The following GAP43 variants were observed in gnomAD, a reference collection of about 807,000 sequenced individuals.
GAP43 encodes growth associated protein 43, also known as neuromodulin.
GAP43 carries 6 observed loss-of-function variants against 18.6 expected under a neutral mutation model. The observed-to-expected ratio is 0.32, with a 90% CI of 0.18 to 0.64. The LOEUF (loss-of-function observed/expected upper bound fraction) is 0.64. GAP43 is among the 30% of genes least tolerant of loss of function. The pLI, the probability that GAP43 is intolerant of heterozygous loss-of-function variation, is 0.78. For missense variants in GAP43, 292 were observed against 295.5 expected (o/e 0.99, Z 0.09); for synonymous variants, 115 against 111.4 (o/e 1.03, Z -0.20).
intron 1 of GAP43, among the ~76,000 whole-genome samples, chr3:115,668,587 G>C (rs1487749669): frequency 6.6e-6 from 1 of 152,026 alleles, no homozygotes; most frequent in African/African-American, 2.4e-5. Flanking sequence ...ACCACACCTG[G>C]CTAATTTTGT....
intron 2 of GAP43, among the ~76,000 whole-genome samples, chr3:115,704,090 A>G (rs1336110430): frequency 6.6e-6 from 1 of 152,044 alleles, no homozygotes; most frequent in Non-Finnish European, 1.5e-5. Context: ...CCAGTAAGAG[A>G]TGGAGATTGC....
chr3:115,700,762 A>G (rs1377561258), intron 2 of GAP43, among the ~76,000 whole-genome samples: 2 of 152,160 alleles, frequency 1.3e-5, no homozygotes, highest in Non-Finnish European at 2.9e-5. Flanking sequence ...AAATCTCATA[A>G]AAACCTAATG....
At chr3:115,654,281 G>C (rs986028006) in intron 1 of GAP43, among the ~76,000 whole-genome samples, 1 of 152,162 alleles carries the variant, frequency 6.6e-6, no homozygotes, top group African/African-American at 2.4e-5. Context: ...ACTTAAGCAA[G>C]TCACACACTT....
At chr3:115,717,069 G>A (rs941375069) in intron 2 of GAP43, among the ~76,000 whole-genome samples, 1 of 151,708 alleles carries the variant, frequency 6.6e-6, no homozygotes, top group African/African-American at 2.4e-5. Context: ...TATGATTTAG[G>A]GAAAGTTCCT....
intron 1 of GAP43, among the ~76,000 whole-genome samples, chr3:115,632,898 C>T (rs918772717): frequency 1.3e-5 from 2 of 152,050 alleles, no homozygotes; most frequent in African/African-American, 4.8e-5. Flanking sequence ...AGCTACATCC[C>T]TTTCTCCCTG....
intron 2 of GAP43, among the ~76,000 whole-genome samples, chr3:115,687,150 G>A (rs541616494): frequency 6.6e-6 from 1 of 150,748 alleles, no homozygotes; most frequent in African/African-American, 2.4e-5. Flanking sequence ...TACCCTCTAG[G>A]TAGATCATTT....
At chr3:115,706,999 T>A (rs1709373100) in intron 2 of GAP43, among the ~76,000 whole-genome samples, 1 of 152,150 alleles carries the variant, frequency 6.6e-6, no homozygotes, top group African/African-American at 2.4e-5. Context: ...TATGAAGAAA[T>A]GGAAAAGCAG....
At chr3:115,678,571 TATAGATA>T (rs897234955) in intron 2 of GAP43, among the ~76,000 whole-genome samples, 12 of 150,896 alleles carry the variant, frequency 8.0e-5, no homozygotes, top group African/African-American at 2.7e-4. Flanking sequence ...AAATTTAAAT[TATAGATA>T]ATAATTTGTT....
chr3:115,625,247 G>C (rs1708171888), intron 1 of GAP43, among the ~76,000 whole-genome samples: 1 of 146,928 alleles, frequency 6.8e-6, no homozygotes. Flanking sequence ...ATCCTGGATT[G>C]TGTGGGGCTA....
intron 1 of GAP43, among the ~76,000 whole-genome samples, chr3:115,642,469 A>G (rs1559790332): frequency 6.6e-6 from 1 of 151,894 alleles, no homozygotes; most frequent in East Asian, 1.9e-4. Flanking sequence ...AGTGTGGTAG[A>G]CATATGTGTG....
chr3:115,698,286 TA>T (rs377249807), intron 2 of GAP43, among the ~76,000 whole-genome samples: 2 of 1,422 alleles, frequency 1.4e-3, no homozygotes, highest in Non-Finnish European at 6.5e-3. Flanking sequence ...TATATAAATA[TA>T]ATATATATAT....
At chr3:115,693,000 C>T (rs283381) in intron 2 of GAP43, among the ~76,000 whole-genome samples, 17,398 of 152,192 alleles carry the variant, frequency 0.11, 1,179 homozygotes, top group African/African-American at 0.17. Context: ...ATGCAGTTTG[C>T]CTGGGGTCAT....
At chr3:115,707,694 TCTTA>T (rs1457519790) in intron 2 of GAP43, among the ~76,000 whole-genome samples, 2 of 152,196 alleles carry the variant, frequency 1.3e-5, no homozygotes, top group African/African-American at 4.8e-5. Flanking sequence ...GATATCTATT[TCTTA>T]CTTTTTCTTT....
intron 1 of GAP43, among the ~76,000 whole-genome samples, chr3:115,675,581 T>C (rs1708871766): frequency 6.6e-6 from 1 of 151,864 alleles, no homozygotes; most frequent in African/African-American, 2.4e-5. Flanking sequence ...AACAACATGA[T>C]GAAACCCCGT....
intron 2 of GAP43, among the ~76,000 whole-genome samples, chr3:115,681,239 T>C (rs886777722): frequency 6.6e-6 from 1 of 152,242 alleles, no homozygotes; most frequent in Admixed American, 6.5e-5. Context: ...TTTTTCTTTC[T>C]ATTTTTATAT....
chr3:115,642,610 G>A (rs114158153), intron 1 of GAP43, among the ~76,000 whole-genome samples: 16 of 152,104 alleles, frequency 1.1e-4, no homozygotes, highest in Non-Finnish European at 1.9e-4. Context: ...GTATAGATGT[G>A]ACTATCAACA....
intron 2 of GAP43, among the ~76,000 whole-genome samples, chr3:115,698,666 G>A (rs2107366199): frequency 6.6e-6 from 1 of 152,082 alleles, no homozygotes; most frequent in Non-Finnish European, 1.5e-5. Flanking sequence ...AGATGAGGGT[G>A]TGGGGGTGTC....
chr3:115,716,046 C>T (rs1016123992), intron 2 of GAP43, among the ~76,000 whole-genome samples: 1 of 152,198 alleles, frequency 6.6e-6, no homozygotes, highest in Non-Finnish European at 1.5e-5. Context: ...TCGCACTGTT[C>T]TGAGCACATA....
chr3:115,634,826 C>T (rs4468973), intron 1 of GAP43, among the ~76,000 whole-genome samples: 8,181 of 152,034 alleles, frequency 0.054, 277 homozygotes, highest in Non-Finnish European at 0.072. Flanking sequence ...AAATAATTAA[C>T]TTGCAGTTAG....
Sources: gnomAD v4.1 joint callset for allele counts (sites outside exome capture counted in the v4.1 genomes callset) on GRCh38, gnomAD v4.1.1 for gene constraint, MANE v1.5 for transcripts, NCBI Gene and HGNC (gene_info 2026-07-23, HGNC 2026-07-21) for gene names.